LUC7L: variants seen among roughly 807,000 people sequenced by gnomAD.
The protein encoded by LUC7L is putative RNA-binding protein Luc7-like 1.
Under a neutral mutation model 51.1 loss-of-function variants are expected in LUC7L, and 29 were observed. That is an observed-to-expected ratio of 0.57 (90% CI 0.42 to 0.77). The LOEUF (loss-of-function observed/expected upper bound fraction) is 0.77. LUC7L is among the 30% of genes least tolerant of loss of function. The pLI is 0.00. For synonymous variants in LUC7L, 181 were observed against 180.7 expected (o/e 1.00, Z -0.01); for missense variants, 403 against 511.9 (o/e 0.79, Z 2.05).
chr16:225,699 GGTC>G (rs1467962662), intron 2 of LUC7L, among the ~76,000 whole-genome samples: 1 of 151,272 alleles, frequency 6.6e-6, no homozygotes, highest in African/African-American at 2.4e-5. Flanking sequence ...TGATCAGGCT[GGTC>G]GCCAACTCCC....
intron 5 of LUC7L, among the ~76,000 whole-genome samples, chr16:199,893 G>C (rs2049272969): frequency 1.3e-5 from 2 of 152,044 alleles, no homozygotes; most frequent in Admixed American, 6.6e-5. Context: ...AGGAGGCTGA[G>C]GCAGGAGAAT....
chr16:203,391 A>G (rs2049387553), intron 5 of LUC7L, among the ~76,000 whole-genome samples: 1 of 152,136 alleles, frequency 6.6e-6, no homozygotes, highest in Non-Finnish European at 1.5e-5. Flanking sequence ...ACATTACCAT[A>G]ATACCAAAAC....
rs558287207 is a variant in LUC7L at position 192,798 on chromosome 16, T to C, written c.776+129A>G. The C allele has an allele frequency of 1.8e-4, 148 of 827,406 alleles. No homozygotes were observed. In the African/African-American group the frequency reaches 2.4e-3, roughly 13 times the overall value. 51.3% of individuals were successfully genotyped at this position (827,406 alleles called of 1,614,324 possible). On this transcript the variant is annotated intron_variant, in intron 7 of 9. Transcript: ENST00000293872. ...GATTACAGGCGTGAGCCGCCAGGCC[T>C]GGCCTTACTATTTTCTTTTATAACG...
chr16:210,723 A>T (rs1272363637), intron 3 of LUC7L, among the ~76,000 whole-genome samples: 1 of 152,214 alleles, frequency 6.6e-6, no homozygotes, highest in Non-Finnish European at 1.5e-5. Context: ...AGCAGAATCC[A>T]AATTGGCTAT....
At chr16:213,711 T>C (rs1057362030) in intron 3 of LUC7L, among the ~76,000 whole-genome samples, 1 of 151,458 alleles carries the variant, frequency 6.6e-6, no homozygotes, top group African/African-American at 2.4e-5. Context: ...GGCAGAAATC[T>C]TTTTTCTTTT....
intron 3 of LUC7L, among the ~76,000 whole-genome samples, chr16:210,820 G>A (rs2049616220): frequency 6.6e-6 from 1 of 152,004 alleles, no homozygotes; most frequent in Non-Finnish European, 1.5e-5. Context: ...GGGAGGCTGA[G>A]GTGGGCGGAT....
At chr16:227,748 T>C in intron 1 of LUC7L, 4 of 1,008,914 alleles carry the variant, frequency 4.0e-6, no homozygotes, top group Non-Finnish European at 4.7e-6. Context: ...ATCTAATCTT[T>C]TTGTTATGAA....
At chr16:225,905 A>T (rs1461198378) in intron 2 of LUC7L, among the ~76,000 whole-genome samples, 1 of 152,206 alleles carries the variant, frequency 6.6e-6, no homozygotes, top group Non-Finnish European at 1.5e-5. Flanking sequence ...CAAGGAAAAC[A>T]TGGTTGAAAT....
intron 1 of LUC7L, 53 bp downstream of exon 1, chr16:229,226 G>A: frequency 6.6e-7 from 1 of 1,512,586 alleles, no homozygotes; most frequent in Non-Finnish European, 8.8e-7. Context: ...CCGCCCGGCG[G>A]CCTCGCCTCA....
chr16:217,081 A>T (rs941762467), intron 3 of LUC7L, among the ~76,000 whole-genome samples: 8 of 152,010 alleles, frequency 5.3e-5, no homozygotes, highest in Non-Finnish European at 1.0e-4. Context: ...CAATGGTGTG[A>T]TCTCAGCACA....
At chr16:221,215 T>G (rs1285290850) in intron 2 of LUC7L, among the ~76,000 whole-genome samples, 1 of 128,462 alleles carries the variant, frequency 7.8e-6, no homozygotes, top group Non-Finnish European at 1.7e-5. Flanking sequence ...TTTTTTTTTT[T>G]TGTATTTTCA....
At chr16:229,250 C>G in intron 1 of LUC7L, 29 bp downstream of exon 1, 2 of 1,529,906 alleles carry the variant, frequency 1.3e-6, no homozygotes, top group South Asian at 1.2e-5. Context: ...CCACCCCAGA[C>G]CCTCGCCTGG....
intron 6 of LUC7L, among the ~76,000 whole-genome samples, chr16:197,327 C>G (rs557908004): frequency 6.6e-6 from 1 of 151,556 alleles, no homozygotes; most frequent in South Asian, 2.1e-4. Context: ...ATTATCCTGC[C>G]TCAGCCTCCC....
chr16:206,030 CT>C lies in LUC7L; in HGVS notation c.483del (p.Val162PhefsTer67). 1 of 1,612,968 alleles carries C rather than the reference CT, an allele frequency of 6.2e-7. No homozygotes were observed. Among genetic ancestry groups the C allele is most frequent in the African/African-American group, 1.3e-5 (1 of 74,948 alleles). On this transcript the variant is annotated frameshift_variant, in exon 5 of 10. Transcript: ENST00000293872. LOFTEE classifies it high-confidence loss of function. ...TCAGCTTCTTTTTTCTTCGCACGAA[CT>C]TTTTCCACTTCCATAAGAATCTTCT... Reference protein sequence around the residue: ...ESQKILMEVEKVRAKKKEAEE... With the variant: ...ESQKILMEVEXVRAKKKEAEE...
chr16:191,775 G>T (rs1418531965), intron 7 of LUC7L, among the ~76,000 whole-genome samples: 2 of 152,214 alleles, frequency 1.3e-5, no homozygotes, highest in African/African-American at 4.8e-5. Flanking sequence ...AACCCAGGGG[G>T]TGGAGGCTGC....
At chr16:189,669 G>T (rs2048957390) in intron 9 of LUC7L, 1 of 1,328,698 alleles carries the variant, frequency 7.5e-7, no homozygotes, top group South Asian at 2.4e-5. Flanking sequence ...CAAAACAGAG[G>T]TAAGCAGGGC....
At chr16:219,371 G>A (rs1302877504) in intron 3 of LUC7L, among the ~76,000 whole-genome samples, 1 of 152,082 alleles carries the variant, frequency 6.6e-6, no homozygotes, top group Non-Finnish European at 1.5e-5. Context: ...CCTGGTGACA[G>A]AGCAAGACTC....
At chr16:223,343 C>T (rs890438490) in intron 2 of LUC7L, among the ~76,000 whole-genome samples, 3 of 151,664 alleles carry the variant, frequency 2.0e-5, no homozygotes, top group Admixed American at 6.6e-5. Context: ...AGCGAGACTC[C>T]GTCTCAAAAA....
chr16:215,543 C>A (rs892195175), intron 3 of LUC7L, among the ~76,000 whole-genome samples: 2 of 151,858 alleles, frequency 1.3e-5, no homozygotes, highest in Admixed American at 6.6e-5. Context: ...TTGCTTGAAC[C>A]CGGCAGGCGG....
Sources: gnomAD v4.1 joint callset for allele counts (sites outside exome capture counted in the v4.1 genomes callset) on GRCh38, gnomAD v4.1.1 for gene constraint, MANE v1.5 for transcripts, NCBI Gene and HGNC (gene_info 2026-07-23, HGNC 2026-07-21) for gene names.